Variants in SGCD observed in about 807,000 individuals in gnomAD.
SGCD encodes the protein sarcoglycan delta.
A neutral mutation model predicts 36.6 loss-of-function variants in SGCD; 18 were observed. That is an observed-to-expected ratio of 0.49 (90% CI 0.34 to 0.73). The LOEUF (loss-of-function observed/expected upper bound fraction) is 0.73, where lower values mean the gene tolerates loss of function less well. Among genes scored for constraint, SGCD ranks in the 30% least tolerant of loss-of-function variants. The pLI is 0.01. For missense variants in SGCD, 387 were observed against 346.7 expected (o/e 1.12, Z -0.92); for synonymous variants, 133 against 130.6 (o/e 1.02, Z -0.12).
intron 3 of SGCD, among the ~76,000 whole-genome samples, chr5:156,291,618 T>A (rs530003943): frequency 2.6e-5 from 4 of 152,110 alleles, no homozygotes; most frequent in Non-Finnish European, 5.9e-5. Flanking sequence ...TAATATTTAC[T>A]ATCTTAACCT....
intron 3 of SGCD, among the ~76,000 whole-genome samples, chr5:156,195,509 G>T (rs1764002958): frequency 6.6e-6 from 1 of 152,110 alleles, no homozygotes; most frequent in African/African-American, 2.4e-5. Flanking sequence ...ATGGAGAATT[G>T]GAAAATGCAG....
At chr5:156,353,315 A>G (rs751289604) in intron 3 of SGCD, among the ~76,000 whole-genome samples, 1 of 152,258 alleles carries the variant, frequency 6.6e-6, no homozygotes, top group Non-Finnish European at 1.5e-5. Context: ...TATGACTTCT[A>G]AAATGAAGTA....
intron 3 of SGCD, among the ~76,000 whole-genome samples, chr5:156,247,130 A>G (rs1351130468): frequency 6.6e-6 from 1 of 152,182 alleles, no homozygotes; most frequent in Non-Finnish European, 1.5e-5. Context: ...AGAACTGGAA[A>G]GAATAAGAAA....
At position 156,467,975 on chromosome 5, in the gene SGCD, A is replaced by T. The variant is rs139822519; in HGVS notation, c.193-40626A>T. 2.7e-3 allele frequency among the ~76,000 whole-genome samples: 405 copies of T among 152,282 alleles called. 3 individuals carry two copies. The highest frequency in any genetic ancestry group is 9.3e-3 in the African/African-American group (388 of 41,564). ...TCATAGCCTGTAGAAGTAAATTCAG[A>T]GTTTGCTGCTTGCTCACTCTGCAGT... On this transcript the variant is annotated intron_variant, in intron 3 of 8. Coordinates refer to ENST00000337851, the MANE Select transcript of SGCD (RefSeq NM_000337.6).
intron 1 of SGCD, among the ~76,000 whole-genome samples, chr5:155,876,780 A>G (rs1297423217): frequency 1.3e-5 from 2 of 152,118 alleles, no homozygotes; most frequent in Admixed American, 6.6e-5. Flanking sequence ...ACTATGAAAA[A>G]TATTTTAAAG....
chr5:156,219,441 T>C (rs1232621551), intron 3 of SGCD, among the ~76,000 whole-genome samples: 1 of 152,206 alleles, frequency 6.6e-6, no homozygotes, highest in East Asian at 1.9e-4. Flanking sequence ...TCGGACATAG[T>C]AGGTCAGTAT....
intron 3 of SGCD, among the ~76,000 whole-genome samples, chr5:156,416,964 G>A (rs538235668): frequency 1.3e-5 from 2 of 152,056 alleles, no homozygotes; most frequent in South Asian, 4.1e-4. Flanking sequence ...GTACAACTTT[G>A]GCTCTAAGTC....
At chr5:156,257,804 C>T (rs768877519) in intron 3 of SGCD, among the ~76,000 whole-genome samples, 4 of 152,132 alleles carry the variant, frequency 2.6e-5, no homozygotes, top group South Asian at 2.1e-4. Flanking sequence ...GTGGAGGTTG[C>T]AGTGAGCCGA....
intron 3 of SGCD, among the ~76,000 whole-genome samples, chr5:156,360,583 C>G (rs1038071903): frequency 1.3e-5 from 2 of 152,050 alleles, no homozygotes; most frequent in South Asian, 4.1e-4. Flanking sequence ...TTCACTTTAA[C>G]CTTTATTGCA....
At chr5:156,714,222 G>A (rs961616711) in intron 7 of SGCD, among the ~76,000 whole-genome samples, 1 of 152,196 alleles carries the variant, frequency 6.6e-6, no homozygotes, top group African/African-American at 2.4e-5. Context: ...GTGGAACCAG[G>A]TGATGTTCTG....
chr5:155,842,070 G>A, the SGCD span, among the ~76,000 whole-genome samples: 81 of 152,186 alleles, frequency 5.3e-4, no homozygotes, highest in Admixed American at 3.7e-3. Flanking sequence ...GAAAGACTCA[G>A]CTTGAAAATG....
intron 1 of SGCD, among the ~76,000 whole-genome samples, chr5:156,092,045 C>A (rs1299122835): frequency 6.6e-6 from 1 of 152,204 alleles, no homozygotes; most frequent in African/African-American, 2.4e-5. Flanking sequence ...CCAGCAATCC[C>A]AACACTCAGG....
At chr5:156,229,300 A>ATATATATATATATATATATATAT (rs1477607808) in intron 3 of SGCD, among the ~76,000 whole-genome samples, 255 of 125,926 alleles carry the variant, frequency 2.0e-3, no homozygotes, top group Middle Eastern at 4.1e-3. Context: ...ATATATATAT[A>ATATATATATATATATATATATAT]AAATTAGTTC....
chr5:156,676,115 G>A (rs1027494992), intron 7 of SGCD, among the ~76,000 whole-genome samples: 6 of 152,170 alleles, frequency 3.9e-5, no homozygotes, highest in Non-Finnish European at 4.4e-5. Context: ...CCAAGAGAGT[G>A]TCCATTTATT....
chr5:156,724,027 A>T (rs1755645331), intron 7 of SGCD, among the ~76,000 whole-genome samples: 1 of 152,230 alleles, frequency 6.6e-6, no homozygotes, highest in Non-Finnish European at 1.5e-5. Flanking sequence ...GACTTGGATC[A>T]AGGTGATGAC....
At chr5:156,538,269 T>C (rs1197410094) in intron 4 of SGCD, among the ~76,000 whole-genome samples, 3 of 152,182 alleles carry the variant, frequency 2.0e-5, no homozygotes, top group Admixed American at 2.0e-4. Flanking sequence ...AAGGATGTTG[T>C]TTCTAATGGA....
At chr5:156,578,803 C>A (rs987035217) in intron 4 of SGCD, among the ~76,000 whole-genome samples, 1 of 152,132 alleles carries the variant, frequency 6.6e-6, no homozygotes, top group South Asian at 2.1e-4. Context: ...AGTCTTCTCT[C>A]TTTTCTTCTG....
At chr5:156,391,866 G>T (rs1377597186) in intron 3 of SGCD, among the ~76,000 whole-genome samples, 2 of 152,128 alleles carry the variant, frequency 1.3e-5, no homozygotes, top group African/African-American at 2.4e-5. Context: ...CTTAAATTTT[G>T]GACGAGAATA....
chr5:156,384,461 G>A (rs561148829), intron 3 of SGCD, among the ~76,000 whole-genome samples: 1 of 152,258 alleles, frequency 6.6e-6, no homozygotes, highest in African/African-American at 2.4e-5. Flanking sequence ...CACTAGGATA[G>A]GAATTCCAAG....
Sources: gnomAD v4.1 joint callset for allele counts (sites outside exome capture counted in the v4.1 genomes callset) on GRCh38, gnomAD v4.1.1 for gene constraint, MANE v1.5 for transcripts, NCBI Gene and HGNC (gene_info 2026-07-23, HGNC 2026-07-21) for gene names.